KANSL1: variants seen among roughly 807,000 people sequenced by gnomAD.
KANSL1 encodes the protein KAT8 regulatory NSL complex subunit 1.
A neutral mutation model predicts 103.6 loss-of-function variants in KANSL1; 22 were observed. The ratio of observed to expected loss-of-function variants is 0.21; its 90% CI spans 0.15 to 0.30. The LOEUF is 0.30. KANSL1 is among the 10% of genes least tolerant of loss of function. The pLI is 1.00. For missense variants in KANSL1, 1,337 were observed against 1,399.8 expected (o/e 0.96, Z 0.72); for synonymous variants, 600 against 527.6 (o/e 1.14, Z -1.88).
intron 1 of KANSL1, among the ~76,000 whole-genome samples, chr17:46,206,083 C>T (rs9913649): frequency 2.2e-5 from 2 of 89,602 alleles, no homozygotes; most frequent in East Asian, 1.0e-3. Context: ...CTGTGTCCCC[C>T]AAAAAAAAAA....
At chr17:46,097,292 C>A (rs1314809151) in intron 2 of KANSL1, among the ~76,000 whole-genome samples, 1 of 152,148 alleles carries the variant, frequency 6.6e-6, no homozygotes, top group Non-Finnish European at 1.5e-5. Flanking sequence ...TAAGTACACA[C>A]AAGTAGTGAA....
intron 2 of KANSL1, chr17:46,170,591 A>C (rs1207882989): frequency 2.0e-6 from 1 of 488,510 alleles, no homozygotes; most frequent in Non-Finnish European, 3.6e-6. Flanking sequence ...AATTTTACAC[A>C]TAAGATGTCT....
chr17:46,204,790 AC>A (rs2047910064), intron 1 of KANSL1, among the ~76,000 whole-genome samples: 1 of 152,270 alleles, frequency 6.6e-6, no homozygotes, highest in African/African-American at 2.4e-5. Flanking sequence ...GGTTGGCTTA[AC>A]TTCTGAAAAT....
chr17:46,185,688 TATATACACACACACACACACAC>T (rs2046991035), intron 1 of KANSL1, among the ~76,000 whole-genome samples: 1 of 62,314 alleles, frequency 1.6e-5, no homozygotes, highest in Non-Finnish European at 3.5e-5. Flanking sequence ...TACACACACA[TATATACACACACACACACACAC>T]ACACACACAC....
At chr17:46,048,100 G>A (rs8078067) in intron 7 of KANSL1, among the ~76,000 whole-genome samples, 52,406 of 151,540 alleles carry the variant, frequency 0.35, 9,596 homozygotes, top group South Asian at 0.58. Context: ...TAGAGATAGG[G>A]TTTTGCCATG....
intron 7 of KANSL1, chr17:46,042,707 G>C (rs572469392): frequency 1.3e-5 from 2 of 150,760 alleles, no homozygotes; most frequent in East Asian, 3.9e-4. Flanking sequence ...TATAGATGAT[G>C]AATTTCATGA....
chr17:46,167,284 A>T (rs2147690978), intron 2 of KANSL1, among the ~76,000 whole-genome samples: 1 of 152,312 alleles, frequency 6.6e-6, no homozygotes, highest in South Asian at 2.1e-4. Flanking sequence ...AAAAAAAACA[A>T]CTCTAAGAGG....
intron 2 of KANSL1, among the ~76,000 whole-genome samples, chr17:46,165,052 A>G (rs907222901): frequency 3.2e-4 from 49 of 152,320 alleles, no homozygotes; most frequent in African/African-American, 1.0e-3. Flanking sequence ...GACTGCAATG[A>G]GCTGACATCA....
chr17:46,061,847 T>C (rs557792463), intron 6 of KANSL1, among the ~76,000 whole-genome samples: 1 of 152,212 alleles, frequency 6.6e-6, no homozygotes, highest in African/African-American at 2.4e-5. Flanking sequence ...ATCCCAGCAC[T>C]TTGGGAGGCC....
intron 1 of KANSL1, among the ~76,000 whole-genome samples, chr17:46,186,844 C>T (rs1054682618): frequency 1.3e-5 from 2 of 152,184 alleles, no homozygotes; most frequent in Admixed American, 6.5e-5. Context: ...TCTCCTGCCT[C>T]AGCCTCTTGA....
At chr17:46,214,869 G>A (rs116508757) in intron 1 of KANSL1, among the ~76,000 whole-genome samples, 1,574 of 152,286 alleles carry the variant, frequency 0.01, 26 homozygotes, top group African/African-American at 0.034. Context: ...ACAGTCAACT[G>A]CAAATCTGAT....
intron 13 of KANSL1, 107 bp from the exon 14 acceptor site, chr17:46,032,406 C>A: frequency 1.1e-6 from 1 of 922,156 alleles, no homozygotes; most frequent in Non-Finnish European, 1.6e-6. Flanking sequence ...AAACAAACAC[C>A]AACAGATTTT....
rs2046319179 is a variant in KANSL1, at chr17:46,172,094, T to C, written c.50A>G (p.His17Arg). The change falls in exon 2 of 15, where the codon CAT becomes CGT. Residue 17 changes from histidine (H) to arginine (R), a missense_variant. By Grantham distance (29) the His-to-Arg change is conservative (BLOSUM62 0). Coordinates refer to ENST00000432791, the MANE Select transcript of KANSL1 (RefSeq NM_015443.4). ...ALTDAAAEAH[H>R]IRFKLAPPSS... ...TGGGGGAGCCAGTTTGAACCGGATA[T>C]GGTGTGCTTCAGCTGCTGCGTCAGT... 5.6e-6 allele frequency: 9 copies of C among 1,612,322 alleles called. No homozygotes were observed. The highest frequency in any genetic ancestry group is 1.3e-5 in the African/African-American group (1 of 74,922).
chr17:46,064,144 T>C (rs1486727066), intron 6 of KANSL1, among the ~76,000 whole-genome samples: 1 of 151,722 alleles, frequency 6.6e-6, no homozygotes, highest in Non-Finnish European at 1.5e-5. Flanking sequence ...ATTTCTGCTA[T>C]TTTGATATTT....
intron 6 of KANSL1, among the ~76,000 whole-genome samples, chr17:46,051,577 A>G (rs1022951646): frequency 2.0e-5 from 3 of 152,238 alleles, no homozygotes; most frequent in Non-Finnish European, 4.4e-5. Context: ...CAGGATCCCT[A>G]CATTCTAGTG....
chr17:46,190,409 T>C (rs943829384), intron 1 of KANSL1, among the ~76,000 whole-genome samples: 1 of 152,246 alleles, frequency 6.6e-6, no homozygotes, highest in African/African-American at 2.4e-5. Context: ...ACATCTCACG[T>C]TGGTAAAGCA....
intron 2 of KANSL1, among the ~76,000 whole-genome samples, chr17:46,166,513 C>CAAA (rs150251497): frequency 4.8e-4 from 67 of 138,612 alleles, no homozygotes; most frequent in Admixed American, 2.8e-3. Flanking sequence ...ATTCGGTCTC[C>CAAA]AAAAAAAAAA....
At chr17:46,161,445 A>AC (rs1170467997) in intron 2 of KANSL1, among the ~76,000 whole-genome samples, 3 of 151,892 alleles carry the variant, frequency 2.0e-5, no homozygotes, top group African/African-American at 4.8e-5. Context: ...CAAAAAAAAA[A>AC]AAACCTTGTT....
At chr17:46,206,351 G>A (rs951761274) in intron 1 of KANSL1, among the ~76,000 whole-genome samples, 2 of 152,254 alleles carry the variant, frequency 1.3e-5, no homozygotes, top group African/African-American at 4.8e-5. Context: ...GAATATAAGT[G>A]TGGGTTCAGA....
Sources: allele counts gnomAD v4.1 joint callset (sites outside exome capture counted in the v4.1 genomes callset), GRCh38; gene constraint gnomAD v4.1.1; transcripts MANE v1.5; gene names NCBI Gene and HGNC (gene_info 2026-07-23, HGNC 2026-07-21).